JAM3: variants seen among roughly 807,000 people sequenced by gnomAD.
The protein encoded by JAM3 is junctional adhesion molecule 3.
Under a neutral mutation model 39.4 loss-of-function variants are expected in JAM3, and 31 were observed. That is an observed-to-expected ratio of 0.79 (90% CI 0.59 to 1.06). JAM3 has a LOEUF of 1.06. JAM3 is among the 50% of genes least tolerant of loss of function. The pLI, the probability that JAM3 is intolerant of heterozygous loss-of-function variation, is 0.00. For missense variants in JAM3, 455 were observed against 391.4 expected (o/e 1.16, Z -1.37); for synonymous variants, 182 against 148.7 (o/e 1.22, Z -1.63).
intron 1 of JAM3, among the ~76,000 whole-genome samples, chr11:134,083,285 G>A (rs11607490): frequency 1.3e-4 from 20 of 152,094 alleles, no homozygotes; most frequent in Non-Finnish European, 2.4e-4. Flanking sequence ...ACAGCAGATC[G>A]CTCCCTCCCT....
Position 134,073,593 on chromosome 11 carries a change from A to C in JAM3, c.76+4434A>C, listed in dbSNP as rs986979709. On this transcript the variant is annotated intron_variant, in intron 1 of 8. Coordinates refer to ENST00000299106, the MANE Select transcript of JAM3 (RefSeq NM_032801.5). ...TTAGTACAACACCCATTTATTGAGT[A>C]TCTATGACGTGTCAGGCACTGTTCT... 2.0e-4 allele frequency among the ~76,000 whole-genome samples: 31 copies of C among 152,186 alleles called. 1 individual carries two copies. Among genetic ancestry groups the C allele is most frequent in the Non-Finnish European group, 7.3e-5 (5 of 68,028 alleles).
intron 1 of JAM3, among the ~76,000 whole-genome samples, chr11:134,104,040 A>G (rs1329610540): frequency 6.6e-6 from 1 of 152,186 alleles, no homozygotes; most frequent in African/African-American, 2.4e-5. Context: ...TCCACCCCAA[A>G]TCAACAGAAT....
intron 5 of JAM3, 47 bp from the exon 6 acceptor site, chr11:134,145,899 C>T (rs745601586): frequency 7.7e-6 from 10 of 1,297,876 alleles, no homozygotes; most frequent in Non-Finnish European, 1.0e-5. Flanking sequence ...TCTCAGAAAT[C>T]GGCCCCATGA....
chr11:134,073,948 A>G (rs1457069162), intron 1 of JAM3, among the ~76,000 whole-genome samples: 1 of 152,212 alleles, frequency 6.6e-6, no homozygotes, highest in Non-Finnish European at 1.5e-5. Flanking sequence ...TTTGTACTAC[A>G]GTAGTTATTC....
chr11:134,120,025 G>T (rs1400147394), intron 1 of JAM3, among the ~76,000 whole-genome samples: 1 of 152,084 alleles, frequency 6.6e-6, no homozygotes, highest in South Asian at 2.1e-4. Flanking sequence ...GCTGATATGT[G>T]TTCTTTATCC....
At position 134,149,364 on chromosome 11, in the gene JAM3, T is replaced by C. The variant is rs922499351; in HGVS notation, c.*183T>C. 1.4e-6 allele frequency: 1 copy of C among 694,914 alleles called. No homozygotes were observed. The highest frequency in any genetic ancestry group is 2.3e-5 in the Admixed American group (1 of 44,010). The allele number at this position is 694,914 out of a possible 1,614,324, so 43.0% of individuals were successfully genotyped here. The stretch of plus-strand genomic sequence containing the variant: ...TAACAAGCCACATGAATAGAAGAAT[T>C]TTCCTCAAGATGGACCCGGTAAATA... On this transcript the variant is annotated 3_prime_UTR_variant, in exon 9 of 9. Transcript: ENST00000299106.
At chr11:134,073,477 A>G (rs1941514939) in intron 1 of JAM3, among the ~76,000 whole-genome samples, 1 of 152,324 alleles carries the variant, frequency 6.6e-6, no homozygotes, top group South Asian at 2.1e-4. Context: ...AAATTCTGCC[A>G]TAGTCATGCT....
rs1364338344 is a variant in JAM3 at position 134,121,949 on chromosome 11, G to A, written c.77-17902G>A. The stretch of plus-strand genomic sequence containing the variant: ...AGTCAACACTGTCTACCTTAGCTTA[G>A]CACGTGTGCTGTTTTGATCTTGAGT... On this transcript the variant is annotated intron_variant, in intron 1 of 8. Transcript: ENST00000299106. Among the ~76,000 whole-genome samples, 15 of 152,256 alleles carry A rather than the reference G, an allele frequency of 9.9e-5. No homozygotes were observed. In the East Asian group the frequency reaches 2.7e-3, roughly 27 times the overall value.
intron 1 of JAM3, among the ~76,000 whole-genome samples, chr11:134,125,440 T>C (rs948577046): frequency 3.3e-5 from 5 of 152,230 alleles, no homozygotes; most frequent in Admixed American, 6.5e-5. Context: ...CTTCCCACTT[T>C]ATTTGTTGCT....
chr11:134,142,839 C>A (rs1283870884), intron 3 of JAM3, among the ~76,000 whole-genome samples: 1 of 152,184 alleles, frequency 6.6e-6, no homozygotes, highest in Non-Finnish European at 1.5e-5. Context: ...CTGTTCTGGA[C>A]ACTGGATAGA....
chr11:134,078,607 G>A (rs1308880494), intron 1 of JAM3, among the ~76,000 whole-genome samples: 1 of 152,154 alleles, frequency 6.6e-6, no homozygotes, highest in East Asian at 1.9e-4. Flanking sequence ...GCCCTCCAGG[G>A]CATCTAATCA....
intron 1 of JAM3, among the ~76,000 whole-genome samples, chr11:134,136,240 C>T (rs548201126): frequency 2.0e-5 from 3 of 152,310 alleles, no homozygotes; most frequent in South Asian, 4.1e-4. Flanking sequence ...AATGTAACTT[C>T]AGTATGAGTA....
intron 8 of JAM3, 119 bp from the exon 9 acceptor site, chr11:134,149,026 GA>G: frequency 8.0e-7 from 1 of 1,245,070 alleles, no homozygotes; most frequent in Non-Finnish European, 1.2e-6. Flanking sequence ...AAGCGCTAGT[GA>G]TGGTACTTTT....
chr11:134,104,673 A>C (rs1272861044), intron 1 of JAM3, among the ~76,000 whole-genome samples: 1 of 152,194 alleles, frequency 6.6e-6, no homozygotes, highest in Non-Finnish European at 1.5e-5. Context: ...TAAAGGAGAT[A>C]TCGCCACCGA....
chr11:134,093,565 C>T (rs1278028499), intron 1 of JAM3, among the ~76,000 whole-genome samples: 4 of 128,162 alleles, frequency 3.1e-5, no homozygotes, highest in African/African-American at 1.3e-4. Context: ...CATGTCACTT[C>T]CTGAGGGAAG....
At chr11:134,112,533 G>A (rs1055750996) in intron 1 of JAM3, among the ~76,000 whole-genome samples, 1 of 152,020 alleles carries the variant, frequency 6.6e-6, no homozygotes, top group South Asian at 2.1e-4. Flanking sequence ...AATTATGTAC[G>A]ATGACACACA....
In JAM3 at chr11:134,149,280, T is replaced by C; in HGVS notation, c.*99T>C. The C allele has an allele frequency of 7.1e-7, 1 of 1,409,742 alleles. No individual in the cohort carries two copies. Among genetic ancestry groups the C allele is most frequent in the Non-Finnish European group, 1.0e-6 (1 of 1,004,230 alleles). 87.3% of individuals were successfully genotyped at this position (1,409,742 alleles called of 1,614,324 possible). A position where few individuals can be genotyped will look rare whatever the true frequency, so the allele number is the denominator to read the frequency against. On this transcript the variant is annotated 3_prime_UTR_variant, in exon 9 of 9. Coordinates refer to ENST00000299106, the MANE Select transcript of JAM3 (RefSeq NM_032801.5). The stretch of plus-strand genomic sequence containing the variant: ...GAGAGCTGATGCACTCGGACAGAGC[T>C]AGACACTCATTCAGAAGCTTTTCGT...
chr11:134,102,861 G>A (rs574957170), intron 1 of JAM3, among the ~76,000 whole-genome samples: 77 of 152,310 alleles, frequency 5.1e-4, no homozygotes, highest in African/African-American at 1.7e-3. Context: ...ATGGGACTAT[G>A]TGAAAAGACC....
intron 2 of JAM3, 109 bp from the exon 3 acceptor site, chr11:134,140,548 T>C (rs1331804703): frequency 2.2e-6 from 2 of 892,710 alleles, no homozygotes; most frequent in Non-Finnish European, 3.8e-6. Context: ...GGCTACGTTT[T>C]TAATCTGCAT....
Sources: gnomAD v4.1 joint callset for allele counts (sites outside exome capture counted in the v4.1 genomes callset) on GRCh38, gnomAD v4.1.1 for gene constraint, MANE v1.5 for transcripts, NCBI Gene and HGNC (gene_info 2026-07-23, HGNC 2026-07-21) for gene names.